Variants in SRMS observed in about 807,000 individuals in gnomAD.
SRMS encodes src-related kinase lacking C-terminal regulatory tyrosine and N-terminal myristylation sites.
A neutral mutation model predicts 43.5 loss-of-function variants in SRMS; 42 were observed. The observed-to-expected ratio is 0.97, with a 90% CI of 0.75 to 1.25. The LOEUF (loss-of-function observed/expected upper bound fraction) is 1.25. Among genes scored for constraint, SRMS ranks in the 50% most tolerant of loss-of-function variants. The probability of loss-of-function intolerance (pLI) is 0.00; values close to 1 mark genes in which losing one functional copy is unlikely to be tolerated. For missense variants in SRMS, 703 were observed against 681.0 expected (o/e 1.03, Z -0.36); for synonymous variants, 316 against 308.2 (o/e 1.03, Z -0.27).
rs1054046712 is a variant in SRMS at position 63,538,826 on chromosome 20, C to T, written c.*1992G>A. Among the ~76,000 whole-genome samples, 6 of 152,220 alleles carry T rather than the reference C, an allele frequency of 3.9e-5. No individual in the cohort carries two copies. The highest frequency in any genetic ancestry group is 1.2e-4 in the African/African-American group (5 of 41,544). On this transcript the variant is annotated 3_prime_UTR_variant, in exon 8 of 8. Coordinates refer to ENST00000217188, the MANE Select transcript of SRMS (RefSeq NM_080823.4). The stretch of plus-strand genomic sequence containing the variant: ...CCGTGAGTCTATGTCCAGGAAGCCT[C>T]GAGTATCCCTGAGTTCGGACGTGCA...
chr20:63,540,545 C>T lies in SRMS; in HGVS notation c.*273G>A, dbSNP rs1057276856. ...TGCACGAGTCACACTGCACGGGGAA[C>T]GTCAGCCCCAGCCCTTCGTCTGCAC... On this transcript the variant is annotated 3_prime_UTR_variant, in exon 8 of 8. Coordinates refer to ENST00000217188, the MANE Select transcript of SRMS (RefSeq NM_080823.4). Among the ~76,000 whole-genome samples the T allele has an allele frequency of 1.3e-5, 2 of 151,748 alleles. No individual in the cohort carries two copies. The highest frequency in any genetic ancestry group is 2.4e-5 in the African/African-American group (1 of 41,282).
chr20:63,541,746 G>T, intron 5 of SRMS, 126 bp from the exon 6 acceptor site: 1 of 1,196,620 alleles, frequency 8.4e-7, no homozygotes, highest in Non-Finnish European at 1.1e-6. Flanking sequence ...GGATGGCATG[G>T]CCGGCTAAGG....
chr20:63,544,595 G>A (rs940739414), intron 1 of SRMS, among the ~76,000 whole-genome samples: 16 of 152,372 alleles, frequency 1.1e-4, no homozygotes, highest in African/African-American at 2.2e-4. Flanking sequence ...CCTGCTGGGC[G>A]TGACCTCCAG....
intron 2 of SRMS, chr20:63,543,826 G>C (rs2082716837): frequency 5.3e-6 from 2 of 376,752 alleles, no homozygotes; most frequent in South Asian, 1.2e-4. Flanking sequence ...GCAAATGAGT[G>C]AAAGAATAAG....
At position 63,547,368 on chromosome 20, in the gene SRMS, C is replaced by G. The variant is rs2082739111; in HGVS notation, c.96G>C (p.Gly32=). Residue 32 remains glycine, a synonymous_variant, in exon 1 of 8, where the codon GGG becomes GGC. Transcript: ENST00000217188. ...AGGEPDHGTP[G]SLDPNTDPVP... is the part of the protein sequence containing the mutation. ...CTGGGTCAGTGTTGGGGTCCAGGGACCCGGGGGTGCCATGGTCCGGCTCGC... is the reference window on the plus strand; with the variant it reads ...CTGGGTCAGTGTTGGGGTCCAGGGAGCCGGGGGTGCCATGGTCCGGCTCGC... 1.3e-6 allele frequency: 2 copies of G among 1,576,298 alleles called. No individual in the cohort carries two copies. The highest frequency in any genetic ancestry group is 2.4e-5 in the East Asian group (1 of 42,442).
intron 1 of SRMS, 47 bp from the exon 2 acceptor site, chr20:63,544,395 T>C (rs2082720284): frequency 2.1e-6 from 3 of 1,426,392 alleles, no homozygotes. Flanking sequence ...CCTCAGCCAG[T>C]GGCCCCACAT....
intron 5 of SRMS, 75 bp downstream of exon 5, chr20:63,542,088 G>C (rs985205129): frequency 6.5e-7 from 1 of 1,544,770 alleles, no homozygotes; most frequent in Non-Finnish European, 8.8e-7. Context: ...AACCCCGCAG[G>C]TTCAGCTCTG....
chr20:63,544,447 C>T (rs1020867865), intron 1 of SRMS, 99 bp from the exon 2 acceptor site: 1 of 1,356,360 alleles, frequency 7.4e-7, no homozygotes, highest in African/African-American at 1.5e-5. Flanking sequence ...CCGGCTGTCC[C>T]ACCGCCTCAG....
At chr20:63,544,101 T>G in intron 2 of SRMS, 126 bp downstream of exon 2, 1 of 1,171,726 alleles carries the variant, frequency 8.5e-7, no homozygotes. Context: ...CCAGCATATC[T>G]GCTGTTGGGC....
chr20:63,541,547 G>C lies in SRMS; in HGVS notation c.1020C>G (p.Tyr340Ter). ...GGTGCACAACGCGCTGCTCCTCCAG[G>C]TAGCTCATGCCCTCAGCCACCTGGC... ...FACQVAEGMS[Y>*]LEEQRVVHRD... The change falls in exon 6 of 8, where the codon TAC (tyrosine) becomes TAG (stop). Residue 340 changes from tyrosine to a stop codon, truncating the protein, a stop_gained. Transcript: ENST00000217188. LOFTEE classifies it high-confidence loss of function. The C allele has an allele frequency of 1.9e-6, 3 of 1,590,872 alleles. No individual in the cohort carries two copies. In the South Asian group the frequency reaches 3.4e-5, roughly 18 times the overall value.
chr20:63,546,708 T>C (rs1428088639), intron 1 of SRMS, among the ~76,000 whole-genome samples: 1 of 150,938 alleles, frequency 6.6e-6, no homozygotes, highest in Non-Finnish European at 1.5e-5. Context: ...TCCTGTCATC[T>C]GGTGCCTCCC....
At chr20:63,544,426 C>G (rs2082720444) in intron 1 of SRMS, 78 bp from the exon 2 acceptor site, 1 of 1,385,910 alleles carries the variant, frequency 7.2e-7, no homozygotes, top group Non-Finnish European at 9.3e-7. Context: ...GTGTTGCCGG[C>G]AGGGCTGAGC....
chr20:63,543,630 A>C, intron 2 of SRMS, 150 bp from the exon 3 acceptor site: 1 of 957,222 alleles, frequency 1.0e-6, no homozygotes, highest in South Asian at 1.8e-5. Context: ...TGGAGGAGGG[A>C]GTGTGGGCAG....
Position 63,542,206 on chromosome 20 carries a change from G to A in SRMS, c.903C>T (p.Val301=). ...VCSGGEPVYI[V]TELMRKGNLQ... is the part of the protein sequence containing the mutation. ...GGTTCCCCTTGCGCATGAGTTCCGT[G>A]ACGATGTACACAGGCTCCCCGCCCG... The change falls in exon 5 of 8, where the codon GTC becomes GTT. Residue 301 remains valine, a synonymous_variant. Coordinates refer to ENST00000217188, the MANE Select transcript of SRMS (RefSeq NM_080823.4). 1 of 1,612,326 alleles carries A rather than the reference G, an allele frequency of 6.2e-7. No individual in the cohort carries two copies. The highest frequency in any genetic ancestry group is 8.5e-7 in the Non-Finnish European group (1 of 1,179,476).
chr20:63,544,198 A>G, intron 2 of SRMS, 29 bp downstream of exon 2: 3 of 1,421,936 alleles, frequency 2.1e-6, no homozygotes, highest in South Asian at 3.0e-5. Flanking sequence ...CTGGTGGGGG[A>G]CAGAGGCAGG....
intron 2 of SRMS, 156 bp from the exon 3 acceptor site, chr20:63,543,636 G>T: frequency 1.1e-6 from 1 of 890,100 alleles, no homozygotes; most frequent in Non-Finnish European, 1.7e-6. Context: ...AGGGAGTGTG[G>T]GCAGCCACAG....
At chr20:63,543,143 A>G (rs1305487691) in intron 3 of SRMS, among the ~76,000 whole-genome samples, 171 bp downstream of exon 3, 1 of 152,178 alleles carries the variant, frequency 6.6e-6, no homozygotes, top group Non-Finnish European at 1.5e-5. Context: ...ACCCGCAGAG[A>G]GCAGAATGTG....
At position 63,539,315 on chromosome 20, in the gene SRMS, C is replaced by A. The variant is rs2082689780; in HGVS notation, c.*1503G>T. ...CGCGCTGCCTCCGTTCTCGGAGCCT[C>A]CGAGTGGCCTCTTCCTTCCCCGGGG... On this transcript the variant is annotated 3_prime_UTR_variant, in exon 8 of 8. Transcript: ENST00000217188. Among the ~76,000 whole-genome samples the A allele has an allele frequency of 6.6e-6, 1 of 152,244 alleles. No homozygotes were observed. Among genetic ancestry groups the A allele is most frequent in the South Asian group, 2.1e-4 (1 of 4,836 alleles).
chr20:63,546,993 G>T, intron 1 of SRMS, 115 bp downstream of exon 1: 1 of 987,292 alleles, frequency 1.0e-6, no homozygotes, highest in South Asian at 1.8e-5. Flanking sequence ...GTGGATGAAC[G>T]AATGAATGAA....
Sources: allele counts gnomAD v4.1 joint callset (sites outside exome capture counted in the v4.1 genomes callset), GRCh38; gene constraint gnomAD v4.1.1; transcripts MANE v1.5; gene names NCBI Gene and HGNC (gene_info 2026-07-23, HGNC 2026-07-21).